The following SNTG1 variants were observed in gnomAD, a reference collection of about 807,000 sequenced individuals.
The protein encoded by SNTG1 is gamma-1-syntrophin.
Under a neutral mutation model 74.7 loss-of-function variants are expected in SNTG1, and 39 were observed. That is an observed-to-expected ratio of 0.52 (90% CI 0.40 to 0.68). The LOEUF (loss-of-function observed/expected upper bound fraction) is 0.68, where lower values mean the gene tolerates loss of function less well. SNTG1 is among the 30% of genes least tolerant of loss of function. The pLI, the probability that SNTG1 is intolerant of heterozygous loss-of-function variation, is 0.00. For missense variants in SNTG1, 685 were observed against 609.5 expected (o/e 1.12, Z -1.30); for synonymous variants, 254 against 217.1 (o/e 1.17, Z -1.49).
chr8:50,458,951 T>C (rs561017265), intron 8 of SNTG1, among the ~76,000 whole-genome samples: 1 of 152,314 alleles, frequency 6.6e-6, no homozygotes, highest in East Asian at 1.9e-4. Context: ...TTTAATTTTG[T>C]CAGTTGTGCT....
intron 17 of SNTG1, among the ~76,000 whole-genome samples, chr8:50,718,957 G>A (rs1322214075): frequency 6.6e-6 from 1 of 152,158 alleles, no homozygotes; most frequent in African/African-American, 2.4e-5. Flanking sequence ...TTACTTAGAT[G>A]TACATCTCTG....
At chr8:50,494,867 G>A (rs1207782969) in intron 8 of SNTG1, among the ~76,000 whole-genome samples, 3 of 151,782 alleles carry the variant, frequency 2.0e-5, no homozygotes, top group African/African-American at 7.3e-5. Context: ...TTTATCAAAT[G>A]TTTCAATATT....
chr8:50,009,537 C>T (rs1381207977), intron 1 of SNTG1, among the ~76,000 whole-genome samples: 1 of 152,240 alleles, frequency 6.6e-6, no homozygotes, highest in Admixed American at 6.5e-5. Context: ...TTCATACATT[C>T]TAGGGTCTGA....
intron 1 of SNTG1, among the ~76,000 whole-genome samples, chr8:50,038,908 G>A (rs917225475): frequency 4.6e-5 from 7 of 152,150 alleles, no homozygotes; most frequent in Admixed American, 4.6e-4. Flanking sequence ...GTTGGTGTGT[G>A]TTTCACATCA....
chr8:50,281,625 C>T (rs1042828519), intron 2 of SNTG1, among the ~76,000 whole-genome samples: 4 of 152,002 alleles, frequency 2.6e-5, no homozygotes, highest in Non-Finnish European at 5.9e-5. Context: ...GGAAGAATTC[C>T]GAATCCAGTT....
intron 2 of SNTG1, among the ~76,000 whole-genome samples, chr8:50,235,646 G>A (rs112213462): frequency 0.017 from 2,630 of 152,228 alleles, 67 homozygotes; most frequent in African/African-American, 0.05. Flanking sequence ...GGTTTATGGG[G>A]AATGTGTTGG....
chr8:49,951,440 C>G (rs755050986), intron 1 of SNTG1, among the ~76,000 whole-genome samples: 1 of 151,912 alleles, frequency 6.6e-6, no homozygotes, highest in African/African-American at 2.4e-5. Context: ...AGACGCTGGC[C>G]CCATCAGATA....
chr8:50,236,842 A>C (rs148689113), intron 2 of SNTG1, among the ~76,000 whole-genome samples: 28 of 152,306 alleles, frequency 1.8e-4, no homozygotes, highest in African/African-American at 6.0e-4. Context: ...AAATGTCAAC[A>C]TGTTGTCAGT....
intron 15 of SNTG1, among the ~76,000 whole-genome samples, chr8:50,676,359 A>C (rs2131370001): frequency 6.6e-6 from 1 of 151,870 alleles, no homozygotes; most frequent in South Asian, 2.1e-4. Flanking sequence ...TGTATGGCTT[A>C]TTTCAGCAAG....
chr8:50,387,859 T>C (rs1487181913), intron 2 of SNTG1, among the ~76,000 whole-genome samples: 4 of 152,116 alleles, frequency 2.6e-5, no homozygotes, highest in Non-Finnish European at 5.9e-5. Context: ...GCATTGTTTT[T>C]AGGACAACCA....
intron 15 of SNTG1, among the ~76,000 whole-genome samples, chr8:50,704,184 A>T (rs567636923): frequency 3.7e-4 from 56 of 152,238 alleles, no homozygotes; most frequent in African/African-American, 1.3e-3. Flanking sequence ...CATGGAGAAG[A>T]ATATTTTGGT....
At chr8:50,612,785 G>T (rs116998457) in intron 13 of SNTG1, among the ~76,000 whole-genome samples, 3 of 152,276 alleles carry the variant, frequency 2.0e-5, no homozygotes, top group African/African-American at 4.8e-5. Context: ...CAATAGAGTC[G>T]TGGGCAGTTT....
chr8:50,285,175 G>C (rs1464192110), intron 2 of SNTG1, among the ~76,000 whole-genome samples: 1 of 152,060 alleles, frequency 6.6e-6, no homozygotes, highest in Non-Finnish European at 1.5e-5. Context: ...TTTCAGGCCA[G>C]CCGCCCTACC....
chr8:50,090,198 T>C (rs1330231387), intron 1 of SNTG1, among the ~76,000 whole-genome samples: 1 of 152,224 alleles, frequency 6.6e-6, no homozygotes, highest in East Asian at 1.9e-4. Flanking sequence ...ATTAGTTTTC[T>C]ATATTACTCA....
chr8:50,277,037 C>T (rs1273938921), intron 2 of SNTG1, among the ~76,000 whole-genome samples: 2 of 152,020 alleles, frequency 1.3e-5, no homozygotes, highest in East Asian at 3.9e-4. Context: ...ACTGAATTAG[C>T]CAGGATGGTC....
At chr8:50,399,281 C>T (rs1272443771) in intron 3 of SNTG1, among the ~76,000 whole-genome samples, 1 of 152,058 alleles carries the variant, frequency 6.6e-6, no homozygotes, top group Non-Finnish European at 1.5e-5. Context: ...TTTTCTGCAA[C>T]TCTTGTCCTT....
intron 1 of SNTG1, among the ~76,000 whole-genome samples, chr8:49,972,889 A>G (rs1199714072): frequency 1.3e-5 from 2 of 152,182 alleles, no homozygotes; most frequent in African/African-American, 4.8e-5. Flanking sequence ...GATGTGGAGA[A>G]ATAGGGACGC....
At chr8:50,425,034 G>A (rs903958209) in intron 4 of SNTG1, among the ~76,000 whole-genome samples, 4 of 152,092 alleles carry the variant, frequency 2.6e-5, no homozygotes, top group Non-Finnish European at 5.9e-5. Context: ...TTTTTCCATA[G>A]TAGAGATAGC....
At chr8:50,227,348 C>G (rs2085381682) in intron 2 of SNTG1, among the ~76,000 whole-genome samples, 1 of 152,076 alleles carries the variant, frequency 6.6e-6, no homozygotes, top group African/African-American at 2.4e-5. Context: ...ATGGTAAAAT[C>G]CAAGAAAGAG....
Sources: gnomAD v4.1 joint callset for allele counts (sites outside exome capture counted in the v4.1 genomes callset) on GRCh38, gnomAD v4.1.1 for gene constraint, MANE v1.5 for transcripts, NCBI Gene and HGNC (gene_info 2026-07-23, HGNC 2026-07-21) for gene names.